The following PLPP1 variants were observed in gnomAD, a reference collection of about 807,000 sequenced individuals.
PLPP1 encodes the protein phospholipid phosphatase 1.
In PLPP1, 24 loss-of-function variants were observed where a neutral mutation model predicts 31.2. The ratio of observed to expected loss-of-function variants is 0.77; its 90% confidence interval spans 0.56 to 1.08. PLPP1 has a LOEUF of 1.08. PLPP1 is among the 50% of genes least tolerant of loss of function. PLPP1 has a pLI of 0.00. For synonymous variants in PLPP1, 146 were observed against 126.3 expected, an observed-to-expected ratio of 1.16 and a Z score of -1.05; for missense variants, 319 against 342.7, an observed-to-expected ratio of 0.93 and a Z score of 0.55.
intron 3 of PLPP1, among the ~76,000 whole-genome samples, chr5:55,456,080 T>C (rs1383878877): frequency 6.6e-6 from 1 of 152,202 alleles, no homozygotes; most frequent in Non-Finnish European, 1.5e-5. Context: ...TAACTGGATG[T>C]TCTAATATTG....
chr5:55,443,212 T>TATATATATATATATATATATATACACAC (rs1169152710), intron 3 of PLPP1, among the ~76,000 whole-genome samples: 1 of 105,000 alleles, frequency 9.5e-6, no homozygotes, highest in Non-Finnish European at 1.8e-5. Flanking sequence ...TATATATATA[T>TATATATATATATATATATATATACACAC]ACACACACAC....
intron 1 of PLPP1, among the ~76,000 whole-genome samples, chr5:55,481,748 T>C (rs1283922252): frequency 6.6e-6 from 1 of 152,152 alleles, no homozygotes; most frequent in East Asian, 1.9e-4. Flanking sequence ...CCCAGACATA[T>C]AGGTCAGACT....
At chr5:55,495,334 G>A (rs991700356) in intron 1 of PLPP1, among the ~76,000 whole-genome samples, 5 of 152,070 alleles carry the variant, frequency 3.3e-5, no homozygotes, top group Non-Finnish European at 5.9e-5. Flanking sequence ...GAGAAAACAT[G>A]AAAAGAGGCT....
At position 55,426,005 on chromosome 5, in the gene PLPP1, G is replaced by A. The variant is rs763560328; in HGVS notation, c.584C>T (p.Ala195Val). 1 of 1,610,448 alleles carries A rather than the reference G, an allele frequency of 6.2e-7. No homozygotes were observed. Among genetic ancestry groups the A allele is most frequent in the Admixed American group, 1.7e-5 (1 of 59,112 alleles). ...TTGCAGTGTGGGGCGTAAGAGTCTT[G>A]CCCAGTCTCCCTTCATCCTGGCTTG... is the stretch of plus-strand genomic sequence containing the variant. ...YLQARMKGDW[A>V]RLLRPTLQFG... is the part of the protein sequence containing the mutation. Residue 195 changes from alanine to valine, a missense_variant, in exon 5 of 6, where the codon GCA becomes GTA. Ala to Val is a moderately conservative substitution (Grantham distance 64). Coordinates refer to ENST00000307259, the MANE Select transcript of PLPP1 (RefSeq NM_003711.4).
chr5:55,503,493 T>C (rs948096306), intron 1 of PLPP1, among the ~76,000 whole-genome samples: 1 of 151,964 alleles, frequency 6.6e-6, no homozygotes, highest in African/African-American at 2.4e-5. Context: ...TGTTGTTTCT[T>C]GGCTGGGTGC....
chr5:55,505,581 A>AG (rs2111894494), intron 1 of PLPP1, among the ~76,000 whole-genome samples: 1 of 152,332 alleles, frequency 6.6e-6, no homozygotes, highest in Non-Finnish European at 1.5e-5. Context: ...AGAAAAAAAA[A>AG]GGTCTCCCCA....
intron 2 of PLPP1, among the ~76,000 whole-genome samples, chr5:55,473,808 C>T (rs551147968): frequency 3.3e-5 from 3 of 89,850 alleles, no homozygotes; most frequent in Non-Finnish European, 7.1e-5. Flanking sequence ...GAGGCTCCTG[C>T]CCACCATACC....
At chr5:55,447,642 C>G (rs746883824) in intron 3 of PLPP1, among the ~76,000 whole-genome samples, 2 of 152,226 alleles carry the variant, frequency 1.3e-5, no homozygotes, top group African/African-American at 4.8e-5. Context: ...TGATTTCACT[C>G]TTGTCAATGG....
At position 55,434,132 on chromosome 5, in the gene PLPP1, C is replaced by CAAAA. The variant is rs528979124; in HGVS notation, c.549+7715_549+7718dup. ...CGAGCGACTGAGTGAGACTCTGTCT[C>CAAAA]AAAAAAAAAAAAAAAAAGAGCAATC... On this transcript the variant is annotated intron_variant, in intron 4 of 5. Transcript: ENST00000307259. Among the ~76,000 whole-genome samples the CAAAA allele has an allele frequency of 2.5e-3, 130 of 53,056 alleles. No individual in the cohort carries two copies. The Middle Eastern group carries it at 0.041, about 17-fold the overall frequency. The allele number at this position is 53,056 out of a possible 152,430, so 34.8% of individuals were successfully genotyped here.
At chr5:55,475,507 A>T in intron 1 of PLPP1, 57 bp from the exon 2 acceptor site, 10 of 1,395,578 alleles carry the variant, frequency 7.2e-6, no homozygotes, top group Non-Finnish European at 9.7e-6. Flanking sequence ...AAACTAATTA[A>T]TGGCAATAAT....
At chr5:55,460,415 A>T (rs928160942) in intron 3 of PLPP1, among the ~76,000 whole-genome samples, 2 of 152,204 alleles carry the variant, frequency 1.3e-5, no homozygotes, top group Non-Finnish European at 1.5e-5. Flanking sequence ...AATAAAATTG[A>T]TAAGTTTCTA....
chr5:55,499,772 A>G (rs1175616519), intron 1 of PLPP1, among the ~76,000 whole-genome samples: 2 of 152,100 alleles, frequency 1.3e-5, no homozygotes, highest in Admixed American at 6.5e-5. Context: ...CTGAGCACCT[A>G]TTATAAGTCA....
At chr5:55,530,147 C>T in intron 1 of PLPP1, 2 of 1,239,792 alleles carry the variant, frequency 1.6e-6, no homozygotes, top group South Asian at 2.4e-5. Context: ...GCAGAGATGT[C>T]TACAGCCTTC....
At chr5:55,475,511 C>CAA (rs1252317279) in intron 1 of PLPP1, 61 bp from the exon 2 acceptor site, 8 of 1,392,962 alleles carry the variant, frequency 5.7e-6, no homozygotes, top group Non-Finnish European at 7.8e-6. Flanking sequence ...TAATTAATGG[C>CAA]AATAATTATC....
At chr5:55,479,505 T>C (rs1227607965) in intron 1 of PLPP1, among the ~76,000 whole-genome samples, 1 of 152,224 alleles carries the variant, frequency 6.6e-6, no homozygotes, top group East Asian at 1.9e-4. Context: ...AATATGTGAA[T>C]TTTAACAAAA....
chr5:55,445,445 T>G (rs1751739393), intron 3 of PLPP1, among the ~76,000 whole-genome samples: 1 of 152,068 alleles, frequency 6.6e-6, no homozygotes. Flanking sequence ...CTTTCTTCCT[T>G]TCCTCCTCCC....
At chr5:55,529,280 T>TAC (rs74899495) in intron 1 of PLPP1, among the ~76,000 whole-genome samples, 14 of 151,682 alleles carry the variant, frequency 9.2e-5, no homozygotes, top group Middle Eastern at 3.4e-3. Context: ...TATATATATA[T>TAC]ACATATACAT....
intron 4 of PLPP1, among the ~76,000 whole-genome samples, chr5:55,430,324 A>C (rs978709611): frequency 2.0e-5 from 3 of 152,042 alleles, no homozygotes; most frequent in Non-Finnish European, 4.4e-5. Flanking sequence ...GCCAGCATAC[A>C]CTGCCCCAGG....
chr5:55,476,575 CAT>C (rs1171180291), intron 1 of PLPP1, among the ~76,000 whole-genome samples: 1 of 152,172 alleles, frequency 6.6e-6, no homozygotes, highest in African/African-American at 2.4e-5. Flanking sequence ...AAACCCTCCA[CAT>C]GAGATCTGCT....
Sources: allele counts gnomAD v4.1 joint callset (sites outside exome capture counted in the v4.1 genomes callset), GRCh38; gene constraint gnomAD v4.1.1; transcripts MANE v1.5; gene names NCBI Gene and HGNC (gene_info 2026-07-23, HGNC 2026-07-21).